SYCE1L: variants seen among roughly 807,000 people sequenced by gnomAD.
SYCE1L encodes the protein synaptonemal complex central element protein 1-like.
A neutral mutation model predicts 39.6 loss-of-function variants in SYCE1L; 51 were observed. The ratio of observed to expected loss-of-function variants is 1.29; its 90% confidence interval spans 1.03 to 1.63. The LOEUF (loss-of-function observed/expected upper bound fraction) is 1.63, where lower values mean the gene tolerates loss of function less well. Among genes scored for constraint, SYCE1L ranks in the 40% most tolerant of loss-of-function variants. SYCE1L has a pLI of 0.00. For synonymous variants in SYCE1L, 147 were observed against 122.4 expected (o/e 1.20, Z -1.33); for missense variants, 426 against 304.9 (o/e 1.40, Z -2.96).
chr16:77,212,519 T>A, intron 9 of SYCE1L, 55 bp from the exon 10 acceptor site: 1 of 1,538,044 alleles, frequency 6.5e-7, no homozygotes, highest in Non-Finnish European at 8.7e-7. Context: ...GGCTTCCTCC[T>A]CGTCCCCTGG....
intron 1 of SYCE1L, among the ~76,000 whole-genome samples, chr16:77,203,275 C>A (rs561865808): frequency 1.3e-5 from 2 of 152,316 alleles, no homozygotes; most frequent in South Asian, 4.1e-4. Flanking sequence ...GGAGAAGGGG[C>A]TGCTGGTGAG....
At chr16:77,203,243 C>T (rs1010024766) in intron 1 of SYCE1L, among the ~76,000 whole-genome samples, 3 of 152,158 alleles carry the variant, frequency 2.0e-5, no homozygotes, top group African/African-American at 4.8e-5. Context: ...GCAGTGGTTA[C>T]TTCTGGGAAA....
intron 1 of SYCE1L, among the ~76,000 whole-genome samples, chr16:77,203,145 A>G (rs2054758617): frequency 6.6e-6 from 1 of 152,216 alleles, no homozygotes; most frequent in African/African-American, 2.4e-5. Context: ...GAATTTTCTT[A>G]GAATTTTACT....
rs995264658 is a variant in SYCE1L, at chr16:77,212,665, G to T, written c.654+19G>T. On this transcript the variant is annotated intron_variant, in intron 10 of 10. Coordinates refer to ENST00000378644, the MANE Select transcript of SYCE1L (RefSeq NM_001129979.3). ...GGGAGAGGTAGGGAGCCCGAGGAAG[G>T]GAGGCGGGGCGGGCAGGGACCGAGT... 2.0e-6 allele frequency: 3 copies of T among 1,529,446 alleles called. No homozygotes were observed. The highest frequency in any genetic ancestry group is 2.0e-5 in the Admixed American group (1 of 50,332). The allele number at this position is 1,529,446 out of a possible 1,614,324, so 94.7% of individuals were successfully genotyped here.
chr16:77,212,359 G>C lies in SYCE1L; in HGVS notation c.571G>C (p.Val191Leu), dbSNP rs1321764280. 4 of 1,528,072 alleles carry C rather than the reference G, an allele frequency of 2.6e-6. No individual in the cohort carries two copies. In the South Asian group the frequency reaches 4.9e-5, roughly 19 times the overall value. 94.7% of individuals were successfully genotyped at this position (1,528,072 alleles called of 1,614,324 possible). Residue 191 changes from valine to leucine, a missense_variant, in exon 9 of 11, where the codon GTG becomes CTG. Coordinates refer to ENST00000378644, the MANE Select transcript of SYCE1L (RefSeq NM_001129979.3). ...SPPEVEGAMA[V>L]NDGLKAELEI... is the part of the protein sequence containing the mutation. Reference sequence around the variant, plus strand: ...GCCTGAGGTCGAGGGCGCCATGGCGGTGAATGACGGGTGAGAGGGGAAGGG... The same window carrying C: ...GCCTGAGGTCGAGGGCGCCATGGCGCTGAATGACGGGTGAGAGGGGAAGGG...
chr16:77,200,270 A>ATATGTG (rs1273001153), intron 1 of SYCE1L: 3 of 95,022 alleles, frequency 3.2e-5, no homozygotes, highest in Admixed American at 9.8e-5. Flanking sequence ...ATATATATAT[A>ATATGTG]TGTGTATATA....
intron 9 of SYCE1L, 32 bp from the exon 10 acceptor site, chr16:77,212,542 T>C (rs756868456): frequency 4.6e-6 from 7 of 1,537,178 alleles, no homozygotes; most frequent in Non-Finnish European, 5.2e-6. Context: ...TCTCGCTCTC[T>C]TCCTCCTGTC....
chr16:77,199,720 T>G (rs183352586), intron 1 of SYCE1L: 37 of 524,826 alleles, frequency 7.0e-5, no homozygotes, highest in Non-Finnish European at 1.1e-4. Flanking sequence ...GAGATTAACT[T>G]TTGTCAACTG....
chr16:77,212,341 G>A lies in SYCE1L; in HGVS notation c.553G>A (p.Val185Ile), dbSNP rs753308462. 4.2e-5 allele frequency: 64 copies of A among 1,527,462 alleles called. No individual in the cohort carries two copies. The highest frequency in any genetic ancestry group is 5.4e-5 in the Non-Finnish European group (61 of 1,138,902). 94.6% of individuals were successfully genotyped at this position (1,527,462 alleles called of 1,614,324 possible). A position where few individuals can be genotyped will look rare whatever the true frequency, so the allele number is the denominator to read the frequency against. The change falls in exon 9 of 11, where the codon GTC (valine) becomes ATC (isoleucine). Residue 185 changes from valine to isoleucine, a missense_variant. By Grantham distance (29) the Val-to-Ile change is conservative. Transcript: ENST00000378644. ...VERRLHSPPE[V>I]EGAMAVNDGL... is the part of the protein sequence containing the mutation. The stretch of plus-strand genomic sequence containing the variant: ...GCGGCGGCTGCACTCGCCGCCTGAG[G>A]TCGAGGGCGCCATGGCGGTGAATGA...
At chr16:77,212,526 C>T in intron 9 of SYCE1L, 48 bp from the exon 10 acceptor site, 1 of 1,537,840 alleles carries the variant, frequency 6.5e-7, no homozygotes, top group Non-Finnish European at 8.7e-7. Flanking sequence ...TCCTCGTCCC[C>T]TGGACTCTCG....
chr16:77,208,371 T>G, intron 3 of SYCE1L, 94 bp from the exon 4 acceptor site: 4 of 1,540,656 alleles, frequency 2.6e-6, no homozygotes, highest in Non-Finnish European at 2.6e-6. Flanking sequence ...CCCTCTAGGG[T>G]TGTTTGAAGA....
At chr16:77,208,035 A>T (rs2054797417) in intron 2 of SYCE1L, among the ~76,000 whole-genome samples, 175 bp from the exon 3 acceptor site, 1 of 152,176 alleles carries the variant, frequency 6.6e-6, no homozygotes, top group African/African-American at 2.4e-5. Flanking sequence ...CTCAATGTCC[A>T]TCTTGCCAAC....
At chr16:77,200,297 C>CACAA (rs2054724855) in intron 1 of SYCE1L, 1 of 64,242 alleles carries the variant, frequency 1.6e-5, no homozygotes, top group African/African-American at 5.4e-5. Context: ...TATATACACA[C>CACAA]ACTAATCAGC....
chr16:77,209,259 C>A, intron 5 of SYCE1L, 115 bp downstream of exon 5: 1 of 1,355,640 alleles, frequency 7.4e-7, no homozygotes, highest in Non-Finnish European at 1.0e-6. Flanking sequence ...GCTTCCCTCT[C>A]TGCACAGATC....
chr16:77,203,038 A>G (rs1329199757), intron 1 of SYCE1L, among the ~76,000 whole-genome samples: 1 of 152,244 alleles, frequency 6.6e-6, no homozygotes, highest in Non-Finnish European at 1.5e-5. Context: ...GGGACATGCC[A>G]ACTTGTTCAA....
At chr16:77,211,664 C>G (rs2054823357) in intron 7 of SYCE1L, among the ~76,000 whole-genome samples, 2 of 152,136 alleles carry the variant, frequency 1.3e-5, no homozygotes, top group Admixed American at 1.3e-4. Flanking sequence ...GGTAGCAGAT[C>G]AAAGAGTCCA....
chr16:77,212,957 C>T lies in SYCE1L; in HGVS notation c.*26C>T, dbSNP rs1010255059. The T allele has an allele frequency of 6.7e-5, 98 of 1,472,442 alleles. No individual in the cohort carries two copies. Among genetic ancestry groups the T allele is most frequent in the Non-Finnish European group, 8.5e-5 (94 of 1,111,648 alleles). The allele number at this position is 1,472,442 out of a possible 1,614,324, so 91.2% of individuals were successfully genotyped here. A position where few individuals can be genotyped will look rare whatever the true frequency, so the allele number is the denominator to read the frequency against. On this transcript the variant is annotated 3_prime_UTR_variant, in exon 11 of 11. Coordinates refer to ENST00000378644, the MANE Select transcript of SYCE1L (RefSeq NM_001129979.3). ...GCCAGCAGGACCCGCCCGTTCCCGA[C>T]CTTCCCTCGAGACCCGCCAAGAAAT...
chr16:77,200,242 A>ATATG (rs71382655), intron 1 of SYCE1L: 54 of 131,856 alleles, frequency 4.1e-4, no homozygotes, highest in African/African-American at 1.5e-3. Flanking sequence ...GTATATATAT[A>ATATG]TATATGTATA....
intron 1 of SYCE1L, among the ~76,000 whole-genome samples, chr16:77,203,131 G>T (rs1385137625): frequency 6.6e-6 from 1 of 152,218 alleles, no homozygotes; most frequent in East Asian, 1.9e-4. Context: ...GTATTTCTTT[G>T]TTTGAATTTT....
Sources: gnomAD v4.1 joint callset for allele counts (sites outside exome capture counted in the v4.1 genomes callset) on GRCh38, gnomAD v4.1.1 for gene constraint, MANE v1.5 for transcripts, NCBI Gene and HGNC (gene_info 2026-07-23, HGNC 2026-07-21) for gene names.